Variants in PHF20L1 observed in about 807,000 individuals in gnomAD.
The protein encoded by PHF20L1 is PHD finger protein 20-like protein 1.
A neutral mutation model predicts 125.5 loss-of-function variants in PHF20L1; 44 were observed. That is an observed-to-expected ratio of 0.35 (90% CI 0.28 to 0.45). The LOEUF is 0.45. PHF20L1 is among the 20% of genes least tolerant of loss of function. PHF20L1 has a pLI of 1.00. For synonymous variants in PHF20L1, 380 were observed against 403.1 expected (o/e 0.94, Z 0.69); for missense variants, 1,012 against 1,217.2 (o/e 0.83, Z 2.51).
rs1837407974 is a variant in PHF20L1, at chr8:132,836,838, T to C, written c.2091+117T>C. 3 of 715,524 alleles carry C rather than the reference T, an allele frequency of 4.2e-6. No homozygotes were observed. The Admixed American group carries it at 8.2e-5, about 20-fold the overall frequency. 44.3% of individuals were successfully genotyped at this position (715,524 alleles called of 1,614,324 possible). A position where few individuals can be genotyped will look rare whatever the true frequency, so the allele number is the denominator to read the frequency against. ...CTACTGAAGATAGTGGTTTCTAACT[T>C]ACTGTGTGGAAAATACCCATAGTAA... On this transcript the variant is annotated intron_variant, in intron 16 of 20. Coordinates refer to ENST00000395386, the MANE Select transcript of PHF20L1 (RefSeq NM_016018.5).
intron 2 of PHF20L1, among the ~76,000 whole-genome samples, chr8:132,778,175 G>A (rs1830037529): frequency 6.6e-6 from 1 of 152,052 alleles, no homozygotes; most frequent in Non-Finnish European, 1.5e-5. Context: ...TAGAGTATGC[G>A]GTTTATGTAT....
chr8:132,821,082 C>T lies in PHF20L1; in HGVS notation c.1580-2922C>T, dbSNP rs147021832. On this transcript the variant is annotated intron_variant, in intron 12 of 20. Coordinates refer to ENST00000395386, the MANE Select transcript of PHF20L1 (RefSeq NM_016018.5). The stretch of plus-strand genomic sequence containing the variant: ...CCATGCAGAGTGTACCTTTATGTAA[C>T]GTCAGGATGTCCATGAGCAGGTCCC... Among the ~76,000 whole-genome samples, 604 of 151,896 alleles carry T rather than the reference C, an allele frequency of 4.0e-3. 8 individuals are homozygous for T. Among genetic ancestry groups the T allele is most frequent in the African/African-American group, 0.014 (564 of 41,472 alleles).
intron 8 of PHF20L1, among the ~76,000 whole-genome samples, chr8:132,805,969 G>T (rs1833643936): frequency 6.6e-6 from 1 of 151,942 alleles, no homozygotes; most frequent in Non-Finnish European, 1.5e-5. Flanking sequence ...CTAAGTGTTT[G>T]TTCTTATGGC....
chr8:132,799,185 T>G lies in PHF20L1; in HGVS notation c.507+13T>G. 1 of 1,560,106 alleles carries G rather than the reference T, an allele frequency of 6.4e-7. No homozygotes were observed. On this transcript the variant is annotated intron_variant, in intron 6 of 20. Coordinates refer to ENST00000395386, the MANE Select transcript of PHF20L1 (RefSeq NM_016018.5). The stretch of plus-strand genomic sequence containing the variant: ...TATGGGAAGTGAGGTAAGAGCCTTT[T>G]TTTTAAAAATTTTGTTTTGTTTTTC...
In PHF20L1 at chr8:132,788,158, C is replaced by G. The variant is rs577764453; in HGVS notation, c.84-6252C>G. Among the ~76,000 whole-genome samples the G allele has an allele frequency of 4.6e-5, 7 of 152,178 alleles. No homozygotes were observed. In the East Asian group the frequency reaches 1.4e-3, roughly 29 times the overall value. ...CCAAGAGAACATCCTTGTTCAGATA[C>G]TCTTTCTGTGTGCTAGCATAATGTC... On this transcript the variant is annotated intron_variant, in intron 2 of 20. Coordinates refer to ENST00000395386, the MANE Select transcript of PHF20L1 (RefSeq NM_016018.5).
chr8:132,833,518 G>T (rs1837009479), intron 15 of PHF20L1, among the ~76,000 whole-genome samples: 1 of 151,990 alleles, frequency 6.6e-6, no homozygotes, highest in Non-Finnish European at 1.5e-5. Context: ...AAACTATACT[G>T]ATCATGGATC....
chr8:132,778,028 A>T, intron 2 of PHF20L1, 117 bp downstream of exon 2: 1 of 661,140 alleles, frequency 1.5e-6, no homozygotes, highest in Non-Finnish European at 2.7e-6. Flanking sequence ...TCACATTTCG[A>T]TTACACATAT....
In PHF20L1 at chr8:132,842,709, A is replaced by G; in HGVS notation, c.2582A>G (p.His861Arg). 6.2e-7 allele frequency: 1 copy of G among 1,613,416 alleles called. No homozygotes were observed. The highest frequency in any genetic ancestry group is 8.5e-7 in the Non-Finnish European group (1 of 1,179,606). Reference protein sequence around the residue: ...KMEGTYITSEHSYQKPQSFGQ... With the variant: ...KMEGTYITSERSYQKPQSFGQ... ...GAAGGAACTTATATAACAAGTGAGC[A>G]TAGCTATCAAAAGCCACAAAGTTTT... is the stretch of plus-strand genomic sequence containing the variant. The change falls in exon 19 of 21, where the codon CAT becomes CGT. Residue 861 changes from histidine to arginine, a missense_variant. Transcript: ENST00000395386.
chr8:132,811,227 T>A (rs1399714279), intron 9 of PHF20L1, 99 bp downstream of exon 9: 5 of 1,555,254 alleles, frequency 3.2e-6, no homozygotes, highest in Non-Finnish European at 4.4e-6. Context: ...TGATCAGATA[T>A]GGGAATAGGA....
intron 2 of PHF20L1, among the ~76,000 whole-genome samples, chr8:132,783,714 T>C (rs1172918281): frequency 6.6e-6 from 1 of 152,174 alleles, no homozygotes; most frequent in African/African-American, 2.4e-5. Context: ...TGTCTATACA[T>C]AGAAAGTAAT....
At chr8:132,798,740 T>A in intron 4 of PHF20L1, 32 bp from the exon 5 acceptor site, 1 of 1,379,256 alleles carries the variant, frequency 7.3e-7, no homozygotes, top group Non-Finnish European at 1.0e-6. Flanking sequence ...TGAATTATAT[T>A]TTCTAATGAT....
intron 14 of PHF20L1, among the ~76,000 whole-genome samples, chr8:132,831,195 T>C (rs1015272805): frequency 6.6e-6 from 1 of 152,058 alleles, no homozygotes; most frequent in Non-Finnish European, 1.5e-5. Context: ...ATTGAATGAC[T>C]TTTTATTGCA....
intron 1 of PHF20L1, among the ~76,000 whole-genome samples, chr8:132,777,309 G>C (rs989776332): frequency 8.5e-5 from 13 of 152,154 alleles, no homozygotes; most frequent in Non-Finnish European, 2.9e-5. Context: ...TTTGTGTGCT[G>C]TAGGGCCTTA....
chr8:132,775,406 AGGC>A lies in PHF20L1; in HGVS notation c.-260_-258del, dbSNP rs3832583. ...TCGCGTCAGGGCTGGCCGGCGGCGG[AGGC>A]GGCGGCGGCGGCGGCGATGGCAGCG... On this transcript the variant is annotated 5_prime_UTR_variant, in exon 1 of 21. Coordinates refer to ENST00000395386, the MANE Select transcript of PHF20L1 (RefSeq NM_016018.5). 164 of 381,414 alleles carry A rather than the reference AGGC, an allele frequency of 4.3e-4. No homozygotes were observed. Among genetic ancestry groups the A allele is most frequent in the East Asian group, 7.0e-4 (18 of 25,764 alleles). 23.6% of individuals were successfully genotyped at this position (381,414 alleles called of 1,614,324 possible).
chr8:132,835,307 A>G (rs753266234), intron 15 of PHF20L1, among the ~76,000 whole-genome samples: 1 of 152,112 alleles, frequency 6.6e-6, no homozygotes, highest in Non-Finnish European at 1.5e-5. Context: ...GCTAGGGGAT[A>G]GGATGTGAGG....
chr8:132,843,172 C>T (rs1271152956), intron 19 of PHF20L1: 78 of 1,060,106 alleles, frequency 7.4e-5, no homozygotes, highest in Non-Finnish European at 8.0e-5. Context: ...GTATTCAAAA[C>T]GAAAATGTCA....
chr8:132,821,508 TA>T (rs373274741), intron 12 of PHF20L1, among the ~76,000 whole-genome samples: 1 of 151,962 alleles, frequency 6.6e-6, no homozygotes, highest in African/African-American at 2.4e-5. Context: ...CTTTTTGTTT[TA>T]AATTGTTTTT....
intron 2 of PHF20L1, among the ~76,000 whole-genome samples, chr8:132,789,443 C>G (rs1250504746): frequency 1.3e-5 from 2 of 152,020 alleles, no homozygotes; most frequent in Non-Finnish European, 2.9e-5. Flanking sequence ...TCAAAAGGGT[C>G]CCACACGAAT....
intron 12 of PHF20L1, among the ~76,000 whole-genome samples, chr8:132,822,877 T>C (rs1480601313): frequency 6.6e-6 from 1 of 150,676 alleles, no homozygotes; most frequent in Non-Finnish European, 1.5e-5. Flanking sequence ...AGAATGATCT[T>C]AAAAAATTAA....
Sources: allele counts gnomAD v4.1 joint callset (sites outside exome capture counted in the v4.1 genomes callset), GRCh38; gene constraint gnomAD v4.1.1; transcripts MANE v1.5; gene names NCBI Gene and HGNC (gene_info 2026-07-23, HGNC 2026-07-21).